Variants in C12orf50 observed in about 807,000 individuals in gnomAD.
C12orf50 encodes uncharacterized protein C12orf50.
In C12orf50, 35 loss-of-function variants were observed where a neutral mutation model predicts 61.6. That is an observed-to-expected ratio of 0.57 (90% CI 0.43 to 0.75). C12orf50 has a LOEUF of 0.75. Among genes scored for constraint, C12orf50 ranks in the 30% least tolerant of loss-of-function variants. The pLI, the probability that C12orf50 is intolerant of heterozygous loss-of-function variation, is 0.00. For missense variants in C12orf50, 475 were observed against 488.5 expected, an observed-to-expected ratio of 0.97 and a Z score of 0.26; for synonymous variants, 178 against 161.5, an observed-to-expected ratio of 1.10 and a Z score of -0.77.
chr12:88,000,312 C>T (rs1243969068), intron 3 of C12orf50, among the ~76,000 whole-genome samples: 2 of 151,874 alleles, frequency 1.3e-5, no homozygotes, highest in Admixed American at 6.6e-5. Flanking sequence ...GATCTATATG[C>T]CCTTGTTGAA....
chr12:87,981,228 C>G (rs2030453233), intron 12 of C12orf50, among the ~76,000 whole-genome samples: 1 of 152,110 alleles, frequency 6.6e-6, no homozygotes, highest in African/African-American at 2.4e-5. Context: ...CTGTACCCCA[C>G]CTCCCTGCTA....
intron 3 of C12orf50, among the ~76,000 whole-genome samples, chr12:88,005,647 T>G (rs1490810437): frequency 6.6e-6 from 1 of 152,172 alleles, no homozygotes; most frequent in East Asian, 1.9e-4. Flanking sequence ...TATTTATTTA[T>G]TTATTTTTTG....
intron 11 of C12orf50, chr12:87,985,332 A>T (rs2030751631): frequency 6.5e-6 from 1 of 153,408 alleles, no homozygotes; most frequent in African/African-American, 2.4e-5. Flanking sequence ...GTACTTCCTG[A>T]CATATACTAT....
At chr12:88,000,279 T>C (rs2031599588) in intron 3 of C12orf50, among the ~76,000 whole-genome samples, 1 of 152,128 alleles carries the variant, frequency 6.6e-6, no homozygotes, top group Admixed American at 6.5e-5. Context: ...TTGTCGAAAA[T>C]ACTATTCTTT....
rs1040361587 is a variant in C12orf50 at position 88,004,289 on chromosome 12, G to GA, written c.134-6100dup. ...ACATATACGCAGCCAACAAGCATATGAAAAAATGCTCATAGTCACTAATCA... is the reference window on the plus strand; with the variant it reads ...ACATATACGCAGCCAACAAGCATATGAAAAAAATGCTCATAGTCACTAATCA... On this transcript the variant is annotated intron_variant, in intron 3 of 12. Transcript: ENST00000298699. 8.5e-5 allele frequency among the ~76,000 whole-genome samples: 13 copies of GA among 152,134 alleles called. No homozygotes were observed. In the East Asian group the frequency reaches 2.5e-3, roughly 29 times the overall value.
intron 7 of C12orf50, among the ~76,000 whole-genome samples, chr12:87,989,824 C>G (rs1356600498): frequency 6.6e-6 from 1 of 152,080 alleles, no homozygotes; most frequent in African/African-American, 2.4e-5. Flanking sequence ...ATTACCTTTT[C>G]TTAACATATT....
At position 88,027,764 on chromosome 12, in the gene C12orf50, A is replaced by G. The variant is rs370708864; in HGVS notation, c.-108-694T>C. On this transcript the variant is annotated intron_variant, in intron 1 of 12. Transcript: ENST00000298699. ...TATGTTCTTTTAAATGTAAATGCAC[A>G]TTTGGTAAAAACTACAAGCCCCTGT... 11 of 152,314 alleles carry G rather than the reference A, an allele frequency of 7.2e-5. 1 individual carries two copies. In the East Asian group the frequency reaches 1.9e-3, roughly 27 times the overall value. 9.4% of individuals were successfully genotyped at this position (152,314 alleles called of 1,614,324 possible). A position where few individuals can be genotyped will look rare whatever the true frequency, so the allele number is the denominator to read the frequency against.
At chr12:88,016,918 T>G (rs926589909) in intron 3 of C12orf50, among the ~76,000 whole-genome samples, 5 of 152,338 alleles carry the variant, frequency 3.3e-5, no homozygotes, top group African/African-American at 1.2e-4. Flanking sequence ...TTGGGAAGGC[T>G]GACTACATTT....
At chr12:87,988,268 A>T (rs927917982) in intron 8 of C12orf50, among the ~76,000 whole-genome samples, 1 of 152,196 alleles carries the variant, frequency 6.6e-6, no homozygotes, top group Non-Finnish European at 1.5e-5. Context: ...ACATTTTTAC[A>T]TTGAATGGTC....
intron 3 of C12orf50, among the ~76,000 whole-genome samples, chr12:88,013,101 A>G (rs1464811506): frequency 6.6e-6 from 1 of 152,154 alleles, no homozygotes; most frequent in Non-Finnish European, 1.5e-5. Context: ...AAGAAAAAAA[A>G]ATCCTGGGAT....
intron 7 of C12orf50, among the ~76,000 whole-genome samples, chr12:87,990,010 C>T (rs897830989): frequency 7.2e-5 from 11 of 151,990 alleles, no homozygotes; most frequent in Non-Finnish European, 8.8e-5. Context: ...TCTAATAATC[C>T]AATGTGACTT....
chr12:88,006,385 G>C (rs1469373459), intron 3 of C12orf50, among the ~76,000 whole-genome samples: 1 of 152,084 alleles, frequency 6.6e-6, no homozygotes, highest in Admixed American at 6.5e-5. Context: ...CCCACACTAT[G>C]TTCTATTCCA....
Position 88,001,516 on chromosome 12 carries a change from A to G in C12orf50, c.134-3326T>C, listed in dbSNP as rs559893434. Among the ~76,000 whole-genome samples the G allele has an allele frequency of 8.0e-4, 120 of 149,854 alleles. 1 individual carries two copies. Among genetic ancestry groups the G allele is most frequent in the Non-Finnish European group, 1.4e-3 (93 of 67,306 alleles). On this transcript the variant is annotated intron_variant, in intron 3 of 12. Transcript: ENST00000298699. ...AGAACATCTCATAGACATGAGTTGG[A>G]AAGTGTTGCATCATCTTTTTTTTTT... is the stretch of plus-strand genomic sequence containing the variant.
chr12:88,020,198 TTGAA>T (rs1260941704), intron 3 of C12orf50, among the ~76,000 whole-genome samples: 2 of 152,098 alleles, frequency 1.3e-5, no homozygotes, highest in Non-Finnish European at 2.9e-5. Flanking sequence ...CAATGTAACC[TTGAA>T]TGTAAAGGAG....
intron 7 of C12orf50, among the ~76,000 whole-genome samples, chr12:87,993,610 G>A (rs1449899689): frequency 2.6e-5 from 4 of 152,022 alleles, no homozygotes; most frequent in Non-Finnish European, 4.4e-5. Context: ...GAAGAAAATG[G>A]CTGACACCAG....
chr12:88,016,009 G>A (rs1198123900), intron 3 of C12orf50, among the ~76,000 whole-genome samples: 1 of 152,058 alleles, frequency 6.6e-6, no homozygotes, highest in Non-Finnish European at 1.5e-5. Flanking sequence ...CATCTAATAG[G>A]AAATTGCCTT....
At chr12:88,012,517 A>G (rs76617988) in intron 3 of C12orf50, among the ~76,000 whole-genome samples, 3,697 of 152,324 alleles carry the variant, frequency 0.024, 61 homozygotes, top group Non-Finnish European at 0.038. Context: ...TTCACAGAGC[A>G]GAGGTTCTTC....
At chr12:87,982,062 G>A (rs556659560) in intron 12 of C12orf50, among the ~76,000 whole-genome samples, 21 of 152,192 alleles carry the variant, frequency 1.4e-4, no homozygotes, top group Admixed American at 1.2e-3. Flanking sequence ...TGAAAGACAA[G>A]AGAAGTCATT....
At chr12:88,019,573 C>T (rs7309239) in intron 3 of C12orf50, among the ~76,000 whole-genome samples, 9,118 of 151,376 alleles carry the variant, frequency 0.06, 965 homozygotes, top group African/African-American at 0.21. Context: ...GAGTCACTGA[C>T]ATGTGGATCA....
Sources: allele counts gnomAD v4.1 joint callset (sites outside exome capture counted in the v4.1 genomes callset), GRCh38; gene constraint gnomAD v4.1.1; transcripts MANE v1.5; gene names NCBI Gene and HGNC (gene_info 2026-07-23, HGNC 2026-07-21).